ADNP: variants seen among roughly 807,000 people sequenced by gnomAD.
The protein encoded by ADNP is activity-dependent neuroprotector homeobox protein.
A neutral mutation model predicts 84.9 loss-of-function variants in ADNP; 4 were observed. That is an observed-to-expected ratio of 0.05 (90% CI 0.02 to 0.11). The LOEUF is 0.11. Ranked by LOEUF, ADNP falls within the 10% of genes least tolerant of loss-of-function variation. The probability of loss-of-function intolerance (pLI) is 1.00; values close to 1 mark genes in which losing one functional copy is unlikely to be tolerated. For synonymous variants in ADNP, 554 were observed against 468.1 expected, an observed-to-expected ratio of 1.18 and a Z score of -2.37; for missense variants, 1,132 against 1,326.0, an observed-to-expected ratio of 0.85 and a Z score of 2.27.
intron 5 of ADNP, among the ~76,000 whole-genome samples, 190 bp from the exon 6 acceptor site, chr20:50,894,702 C>A (rs1218769032): frequency 6.6e-6 from 1 of 152,000 alleles, no homozygotes; most frequent in East Asian, 1.9e-4. Context: ...CAAGAGCAGC[C>A]TGGCCAACAT....
chr20:50,899,374 C>T (rs751311634), intron 5 of ADNP, among the ~76,000 whole-genome samples: 78 of 151,930 alleles, frequency 5.1e-4, no homozygotes, highest in Admixed American at 7.9e-4. Flanking sequence ...CCACACCTGG[C>T]GAATTTTCGT....
chr20:50,925,263 T>TACACACACACACACACACACACACACAC (rs57985341), intron 2 of ADNP, among the ~76,000 whole-genome samples: 5 of 149,098 alleles, frequency 3.4e-5, no homozygotes, highest in East Asian at 3.9e-4. Context: ...TGACTTCCTA[T>TACACACACACACACACACACACACACAC]ACACACACAC....
chr20:50,891,759 C>T lies in ADNP; in HGVS notation c.2955G>A (p.Glu985=). The T allele has an allele frequency of 6.2e-7, 1 of 1,614,198 alleles. No individual in the cohort carries two copies. Among genetic ancestry groups the T allele is most frequent in the South Asian group, 1.1e-5 (1 of 91,082 alleles). The change falls in exon 6 of 6, where the codon GAG becomes GAA. Residue 985 remains glutamate (E), a synonymous_variant. Coordinates refer to ENST00000621696, the MANE Select transcript of ADNP (RefSeq NM_001282531.3). The stretch of plus-strand genomic sequence containing the variant: ...CTGGTTTCATTTCGCAGGTATTGTC[C>T]TCAAAGTCTGACACTTGTTGGGATC... ...GPGSQQVSDF[E]DNTCEMKPGT...
chr20:50,921,215 A>C (rs916432781), intron 2 of ADNP, among the ~76,000 whole-genome samples: 1 of 152,266 alleles, frequency 6.6e-6, no homozygotes, highest in Non-Finnish European at 1.5e-5. Flanking sequence ...CAAAAAGCTC[A>C]AACTATTATG....
rs1166706907 is a variant in ADNP at position 50,931,031 on chromosome 20, G to GGGCGGC, written c.-476_-471dup. 6.8e-5 allele frequency: 10 copies of GGGCGGC among 147,486 alleles called. 1 individual carries two copies. The South Asian group carries it at 1.8e-3, about 26-fold the overall frequency. 9.1% of individuals were successfully genotyped at this position (147,486 alleles called of 1,614,324 possible). A position where few individuals can be genotyped will look rare whatever the true frequency, so the allele number is the denominator to read the frequency against. ...GGCGCGGCGGGCGCAGCAGAGCGGC[G>GGGCGGC]GGCGGCGGCGGCGTCGTCGAGCGGT... On this transcript the variant is annotated 5_prime_UTR_variant, in exon 1 of 6. Coordinates refer to ENST00000621696, the MANE Select transcript of ADNP (RefSeq NM_001282531.3).
At chr20:50,904,255 CTCA>C (rs1982266882) in intron 3 of ADNP, 1 of 427,746 alleles carries the variant, frequency 2.3e-6, no homozygotes, top group South Asian at 2.6e-5. Context: ...GTGCAGTGCA[CTCA>C]TGGTTCATTG....
At chr20:50,903,474 G>A (rs1163422254) in intron 4 of ADNP, among the ~76,000 whole-genome samples, 2 of 152,140 alleles carry the variant, frequency 1.3e-5, no homozygotes, top group Non-Finnish European at 2.9e-5. Flanking sequence ...GAACATTCAG[G>A]CGTATCAGAA....
chr20:50,928,439 A>T (rs1033467404), intron 2 of ADNP, among the ~76,000 whole-genome samples: 1 of 152,252 alleles, frequency 6.6e-6, no homozygotes, highest in Admixed American at 6.5e-5. Context: ...CAATATTAGC[A>T]TCTGTAAAAA....
chr20:50,926,499 C>T (rs1984298929), intron 2 of ADNP, among the ~76,000 whole-genome samples: 1 of 152,076 alleles, frequency 6.6e-6, no homozygotes, highest in Non-Finnish European at 1.5e-5. Context: ...AAATAGGTTA[C>T]TTGGAAAAAA....
chr20:50,901,663 A>T (rs1026796040), intron 5 of ADNP, among the ~76,000 whole-genome samples: 10 of 152,216 alleles, frequency 6.6e-5, no homozygotes, highest in African/African-American at 2.4e-4. Flanking sequence ...GAAAAGCTTA[A>T]ATGTAAGGAA....
At chr20:50,900,961 C>A (rs185353692) in intron 5 of ADNP, among the ~76,000 whole-genome samples, 2 of 152,210 alleles carry the variant, frequency 1.3e-5, no homozygotes, top group Non-Finnish European at 1.5e-5. Flanking sequence ...ATAAAAATGT[C>A]CTACAGACTG....
chr20:50,891,605 C>T lies in ADNP; in HGVS notation c.3109G>A (p.Glu1037Lys). The T allele has an allele frequency of 6.2e-7, 1 of 1,613,880 alleles. No individual in the cohort carries two copies. Among genetic ancestry groups the T allele is most frequent in the Non-Finnish European group, 8.5e-7 (1 of 1,180,030 alleles). ...KWKNSSYGKV[E>K]GFWSKDQSQW... is the part of the protein sequence containing the mutation. ...GACTGGTCCTTAGACCAAAACCCTT[C>T]AACTTTTCCATAGGAACTATTCTTC... is the stretch of plus-strand genomic sequence containing the variant. Residue 1037 changes from glutamate to lysine, a missense_variant, in exon 6 of 6, where the codon GAA becomes AAA. Glu to Lys is a moderately conservative substitution (Grantham distance 56). Coordinates refer to ENST00000621696, the MANE Select transcript of ADNP (RefSeq NM_001282531.3).
chr20:50,891,312 C>CAAGGCAGTACCAGT lies in ADNP; in HGVS notation c.*79_*92dup, dbSNP rs1980676030. ...TGCCCCACAGTCCAACCAGTACTCACAAGGCAGTACCAGTGAGAAGACAGC... is the reference window on the plus strand; with the variant it reads ...TGCCCCACAGTCCAACCAGTACTCACAAGGCAGTACCAGTAAGGCAGTACCAGTGAGAAGACAGC... On this transcript the variant is annotated 3_prime_UTR_variant, in exon 6 of 6. Coordinates refer to ENST00000621696, the MANE Select transcript of ADNP (RefSeq NM_001282531.3). The CAAGGCAGTACCAGT allele has an allele frequency of 1.4e-6, 2 of 1,452,916 alleles. No individual in the cohort carries two copies. The highest frequency in any genetic ancestry group is 2.9e-5 in the African/African-American group (2 of 70,074). 90.0% of individuals were successfully genotyped at this position (1,452,916 alleles called of 1,614,324 possible).
chr20:50,915,362 G>T (rs1983430828), intron 2 of ADNP, among the ~76,000 whole-genome samples: 1 of 152,066 alleles, frequency 6.6e-6, no homozygotes, highest in African/African-American at 2.4e-5. Flanking sequence ...CTTTACATGT[G>T]CCATTAAGCC....
intron 4 of ADNP, 133 bp downstream of exon 4, chr20:50,903,756 A>G (rs926963677): frequency 4.5e-6 from 3 of 667,380 alleles, no homozygotes; most frequent in Non-Finnish European, 7.6e-6. Flanking sequence ...TGCTATTGAG[A>G]ATGTTTTCGT....
chr20:50,900,722 A>C (rs1465441241), intron 5 of ADNP, among the ~76,000 whole-genome samples: 1 of 152,108 alleles, frequency 6.6e-6, no homozygotes, highest in African/African-American at 2.4e-5. Flanking sequence ...ATAAAGCTAT[A>C]TCTTTTATTC....
Position 50,893,278 on chromosome 20 carries a change from T to G in ADNP, c.1436A>C (p.Asn479Thr). 6.2e-7 allele frequency: 1 copy of G among 1,614,258 alleles called. No homozygotes were observed. The highest frequency in any genetic ancestry group is 8.5e-7 in the Non-Finnish European group (1 of 1,180,050). ...AAAATTGTGTATTTTCATAATGTAG[T>G]TGGCTACTGCTGGGACTTTCTCAGC... ...HKAEKVPAVA[N>T]YIMKIHNFTS... is the part of the protein sequence containing the mutation. Residue 479 changes from asparagine to threonine, a missense_variant, in exon 6 of 6, where the codon AAC becomes ACC. Coordinates refer to ENST00000621696, the MANE Select transcript of ADNP (RefSeq NM_001282531.3). This position sits in a 1 kb window ranked among gnomAD's most constrained non-coding sequence, Gnocchi z 4.4.
chr20:50,891,593 A>C lies in ADNP; in HGVS notation c.3121T>G (p.Ser1041Ala). The C allele has an allele frequency of 1.9e-6, 3 of 1,613,498 alleles. No individual in the cohort carries two copies. Among genetic ancestry groups the C allele is most frequent in the Non-Finnish European group, 2.5e-6 (3 of 1,180,028 alleles). ...TTCTTCCACTGTGACTGGTCCTTAG[A>C]CCAAAACCCTTCAACTTTTCCATAG... is the stretch of plus-strand genomic sequence containing the variant. Reference protein sequence around the residue: ...SSYGKVEGFWSKDQSQWKNAS... With the variant: ...SSYGKVEGFWAKDQSQWKNAS... Residue 1041 changes from serine to alanine, a missense_variant, in exon 6 of 6, where the codon TCT becomes GCT. Ser to Ala is a moderately conservative substitution (Grantham distance 99). Transcript: ENST00000621696.
In ADNP at chr20:50,892,044, A is replaced by T. The variant is rs1470279423; in HGVS notation, c.2670T>A (p.Gly890=). The T allele has an allele frequency of 6.2e-7, 1 of 1,614,064 alleles. No homozygotes were observed. Among genetic ancestry groups the T allele is most frequent in the Non-Finnish European group, 8.5e-7 (1 of 1,180,038 alleles). The change falls in exon 6 of 6, where the codon GGT becomes GGA. Residue 890 remains glycine, a synonymous_variant. Coordinates refer to ENST00000621696, the MANE Select transcript of ADNP (RefSeq NM_001282531.3). ...CTTCAAAAACAGGGTCAAAAGGGCT[A>T]CCACTTTCATTGGATTCTTCTTCCA... The part of the protein sequence containing the change: ...ENLEEESNES[G]SPFDPVFEVE...
Sources: gnomAD v4.1 joint callset for allele counts (sites outside exome capture counted in the v4.1 genomes callset) on GRCh38, gnomAD v4.1.1 for gene constraint, Gnocchi (gnomAD v3.1) non-coding constraint, MANE v1.5 for transcripts, NCBI Gene and HGNC (gene_info 2026-07-23, HGNC 2026-07-21) for gene names.